Variants in UBE2J2 observed in about 807,000 individuals in gnomAD.
UBE2J2 encodes the protein ubiquitin-conjugating enzyme E2 J2.
A neutral mutation model predicts 28.6 loss-of-function variants in UBE2J2; 5 were observed. The observed-to-expected ratio is 0.17, with a 90% CI of 0.09 to 0.37. UBE2J2 has a LOEUF of 0.37. Ranked by LOEUF, UBE2J2 falls within the 10% of genes least tolerant of loss-of-function variation. UBE2J2 has a pLI of 1.00. For missense variants in UBE2J2, 226 were observed against 338.9 expected, an observed-to-expected ratio of 0.67 and a Z score of 2.62; for synonymous variants, 138 against 139.7, an observed-to-expected ratio of 0.99 and a Z score of 0.09.
chr1:1,263,261 T>C (rs774063159), intron 3 of UBE2J2, 85 bp downstream of exon 3: 32 of 1,277,450 alleles, frequency 2.5e-5, no homozygotes, highest in Non-Finnish European at 3.5e-5. Context: ...GGCTGCTGTT[T>C]GCAAATAAAA....
chr1:1,267,469 C>G (rs1478668430), intron 2 of UBE2J2, among the ~76,000 whole-genome samples: 1 of 152,200 alleles, frequency 6.6e-6, no homozygotes, highest in Non-Finnish European at 1.5e-5. Context: ...TCTAGAAAGG[C>G]AGTTTCTCCT....
At chr1:1,267,496 C>T (rs1639935674) in intron 2 of UBE2J2, among the ~76,000 whole-genome samples, 1 of 152,216 alleles carries the variant, frequency 6.6e-6, no homozygotes, top group South Asian at 2.1e-4. Flanking sequence ...GCCTAGAGTG[C>T]ACACCAGCAA....
chr1:1,259,051 G>A (rs779945418), intron 3 of UBE2J2, among the ~76,000 whole-genome samples: 5 of 151,372 alleles, frequency 3.3e-5, no homozygotes, highest in South Asian at 2.1e-4. Flanking sequence ...CCATCAGGAC[G>A]CACGTGTGTG....
At chr1:1,256,811 C>CG (rs1317318979) in intron 5 of UBE2J2, among the ~76,000 whole-genome samples, 181 bp downstream of exon 5, 4 of 145,124 alleles carry the variant, frequency 2.8e-5, no homozygotes, top group Non-Finnish European at 4.5e-5. Context: ...GCGTGAACCC[C>CG]GGGGGGCGGA....
rs146718362 is a variant in UBE2J2, at chr1:1,255,450, C to T, written c.533G>A (p.Ser178Asn). Residue 178 changes from serine (S) to asparagine (N), a missense_variant, in exon 7 of 7, where the codon AGT (serine) becomes AAT (asparagine). Around this residue, in one of 3 missense-constraint regions of UBE2J2, gnomAD observed 133 missense variants for 161.5 expected, o/e 0.82. Coordinates refer to ENST00000349431, the MANE Select transcript of UBE2J2 (RefSeq NM_058167.3). ...KQKQKAQDEL[S>N]SRPQTLPLPD... ...CAAGGGGAGAGTCTGGGGTCTGCTA[C>T]TGAGTTCGTCTTGTGCTTTCTGTTT... The T allele has an allele frequency of 2.5e-6, 4 of 1,613,378 alleles. No homozygotes were observed. The highest frequency in any genetic ancestry group is 1.3e-5 in the African/African-American group (1 of 75,062).
chr1:1,261,829 T>A (rs1218624643), intron 3 of UBE2J2, among the ~76,000 whole-genome samples: 1 of 151,568 alleles, frequency 6.6e-6, no homozygotes, highest in Non-Finnish European at 1.5e-5. Flanking sequence ...TGTATTTTTT[T>A]AGTAGAGACA....
At chr1:1,257,343 G>T in intron 3 of UBE2J2, 33 bp from the exon 4 acceptor site, 1 of 1,402,266 alleles carries the variant, frequency 7.1e-7, no homozygotes, top group Non-Finnish European at 9.9e-7. Flanking sequence ...GGGCCTTGTC[G>T]TCCGCCACAG....
chr1:1,271,551 G>A (rs1640143799), intron 1 of UBE2J2: 2 of 152,064 alleles, frequency 1.3e-5, no homozygotes, highest in African/African-American at 4.8e-5. Flanking sequence ...CGATTCAACT[G>A]CTGTTTCCCC....
At chr1:1,261,533 G>A (rs1022583216) in intron 3 of UBE2J2, among the ~76,000 whole-genome samples, 1 of 152,172 alleles carries the variant, frequency 6.6e-6, no homozygotes, top group Non-Finnish European at 1.5e-5. Flanking sequence ...GAGGGAGACT[G>A]GGTGTGGATA....
At chr1:1,260,933 G>T (rs1482389463) in intron 3 of UBE2J2, among the ~76,000 whole-genome samples, 3 of 152,230 alleles carry the variant, frequency 2.0e-5, no homozygotes, top group African/African-American at 7.2e-5. Flanking sequence ...ACATTTGTAG[G>T]AAGCCAGCTC....
chr1:1,259,320 C>T (rs1307209777), intron 3 of UBE2J2, among the ~76,000 whole-genome samples: 2 of 151,722 alleles, frequency 1.3e-5, no homozygotes, highest in South Asian at 2.1e-4. Flanking sequence ...GCCATCAGGA[C>T]GCATGGGCGT....
intron 3 of UBE2J2, among the ~76,000 whole-genome samples, chr1:1,258,278 T>C (rs920805966): frequency 2.0e-5 from 3 of 152,104 alleles, no homozygotes; most frequent in Admixed American, 2.0e-4. Context: ...CCTGACCTCA[T>C]GATCCGCCCG....
chr1:1,267,247 G>T lies in UBE2J2; in HGVS notation c.131+615C>A, dbSNP rs1025627675. Among the ~76,000 whole-genome samples the T allele has an allele frequency of 5.9e-5, 9 of 152,106 alleles. No homozygotes were observed. The South Asian group carries it at 1.7e-3, about 28-fold the overall frequency. On this transcript the variant is annotated intron_variant, in intron 2 of 6. Coordinates refer to ENST00000349431, the MANE Select transcript of UBE2J2 (RefSeq NM_058167.3). ...GACCTGTAATGGCAGTGTTTCGACA[G>T]AGCAGTATGCACTCTCACACTCTAT...
rs1322137426 is a variant in UBE2J2 at position 1,268,016 on chromosome 1, G to A, written c.1-24C>T. On this transcript the variant is annotated intron_variant, in intron 1 of 6. Transcript: ENST00000349431. This position sits in a 1 kb window ranked among gnomAD's most constrained non-coding sequence, Gnocchi z 4.7. ...ATCTGTTAAAAGCAACGTCTACACT[G>A]ACGACGAGAAGCAGCGCCGGCCACA... The A allele has an allele frequency of 1.9e-6, 3 of 1,610,368 alleles. No homozygotes were observed. Among genetic ancestry groups the A allele is most frequent in the Non-Finnish European group, 8.5e-7 (1 of 1,177,260 alleles).
chr1:1,254,884 T>C lies in UBE2J2; in HGVS notation c.*319A>G. 1 of 248,592 alleles carries C rather than the reference T, an allele frequency of 4.0e-6. No homozygotes were observed. Among genetic ancestry groups the C allele is most frequent in the African/African-American group, 2.2e-5 (1 of 45,100 alleles). 15.4% of individuals were successfully genotyped at this position (248,592 alleles called of 1,614,324 possible). ...GCGGTCGGCAGCAAGTTTGCATTTC[T>C]AAGTGACCACATCTAATAAAATGAA... On this transcript the variant is annotated 3_prime_UTR_variant, in exon 7 of 7. Coordinates refer to ENST00000349431, the MANE Select transcript of UBE2J2 (RefSeq NM_058167.3).
chr1:1,257,775 C>T (rs1639290057), intron 3 of UBE2J2, among the ~76,000 whole-genome samples: 1 of 152,006 alleles, frequency 6.6e-6, no homozygotes, highest in South Asian at 2.1e-4. Flanking sequence ...CTCTCCAGCA[C>T]CGTTTGCTTC....
At chr1:1,259,425 G>A (rs1257479422) in intron 3 of UBE2J2, among the ~76,000 whole-genome samples, 1 of 152,184 alleles carries the variant, frequency 6.6e-6, no homozygotes, top group Admixed American at 6.5e-5. Context: ...GTCCTCCCTT[G>A]GGCTCCCTGT....
rs1350561527 is a variant in UBE2J2 at position 1,255,514 on chromosome 1, G to C, written c.496-27C>G. 7 of 1,592,734 alleles carry C rather than the reference G, an allele frequency of 4.4e-6. No individual in the cohort carries two copies. The East Asian group carries it at 1.6e-4, about 36-fold the overall frequency. ...TAAGAGAAAAACAGCGAGAAAAGCA[G>C]CTGGTCTCCAACCAGCGCCTTTCAG... On this transcript the variant is annotated intron_variant, in intron 6 of 6. Coordinates refer to ENST00000349431, the MANE Select transcript of UBE2J2 (RefSeq NM_058167.3).
At chr1:1,256,766 G>T (rs998933462) in intron 5 of UBE2J2, among the ~76,000 whole-genome samples, 4 of 151,844 alleles carry the variant, frequency 2.6e-5, no homozygotes, top group African/African-American at 4.8e-5. Flanking sequence ...GGCGCCTGTA[G>T]TCCCAGCTAC....
Sources: allele counts gnomAD v4.1 joint callset (sites outside exome capture counted in the v4.1 genomes callset), GRCh38; gene constraint gnomAD v4.1.1; regional missense constraint gnomAD v4.1.1; non-coding constraint Gnocchi (gnomAD v3.1); transcripts MANE v1.5; gene names NCBI Gene and HGNC (gene_info 2026-07-23, HGNC 2026-07-21).